The following SERPINE2 variants were observed in gnomAD, a reference collection of about 807,000 sequenced individuals.
SERPINE2 encodes the protein serpin family E member 2.
SERPINE2 carries 14 observed loss-of-function variants against 36.3 expected under a neutral mutation model. The observed-to-expected ratio is 0.39, with a 90% confidence interval of 0.25 to 0.60. The LOEUF is 0.60. Ranked by LOEUF, SERPINE2 falls within the 20% of genes least tolerant of loss-of-function variation. The probability of loss-of-function intolerance (pLI) is 0.57; values close to 1 mark genes in which losing one functional copy is unlikely to be tolerated. For synonymous variants in SERPINE2, 192 were observed against 191.8 expected, an observed-to-expected ratio of 1.00 and a Z score of -0.01; for missense variants, 418 against 499.6, an observed-to-expected ratio of 0.84 and a Z score of 1.56.
At chr2:224,026,034 A>G (rs1332034986) in intron 1 of SERPINE2, among the ~76,000 whole-genome samples, 1 of 152,218 alleles carries the variant, frequency 6.6e-6, no homozygotes, top group African/African-American at 2.4e-5. Flanking sequence ...ATGAAATAGG[A>G]GAAGTGACAC....
chr2:223,991,758 G>A (rs367988690), intron 4 of SERPINE2, 45 bp downstream of exon 4: 209 of 1,597,440 alleles, frequency 1.3e-4, no homozygotes, highest in Non-Finnish European at 1.7e-4. Flanking sequence ...GGGCCTTTCT[G>A]CCGCCAGCAC....
At chr2:224,031,467 T>C (rs904835205) in intron 1 of SERPINE2, 23 of 985,562 alleles carry the variant, frequency 2.3e-5, no homozygotes, top group Non-Finnish European at 2.8e-5. Context: ...CCTTTCCTCC[T>C]AACCAAGGAT....
chr2:223,981,866 A>G (rs1002742976), intron 6 of SERPINE2: 1 of 152,126 alleles, frequency 6.6e-6, no homozygotes, highest in Non-Finnish European at 1.5e-5. Context: ...TGAGCATGAA[A>G]TGCCAAAATA....
chr2:224,018,896 G>C (rs185956439), intron 1 of SERPINE2, among the ~76,000 whole-genome samples: 2 of 152,174 alleles, frequency 1.3e-5, no homozygotes, highest in African/African-American at 4.8e-5. Flanking sequence ...CAACATCTCC[G>C]GAGGAGGACA....
chr2:224,019,425 A>G (rs1362146366), intron 1 of SERPINE2, among the ~76,000 whole-genome samples: 3 of 152,170 alleles, frequency 2.0e-5, no homozygotes, highest in Non-Finnish European at 4.4e-5. Context: ...TCCTCCTTGC[A>G]GTTTACAGAA....
At chr2:223,997,316 GTTCAAGCGATTCT>G (rs1690929696) in intron 3 of SERPINE2, among the ~76,000 whole-genome samples, 3 of 152,160 alleles carry the variant, frequency 2.0e-5, no homozygotes, top group Non-Finnish European at 1.5e-5. Flanking sequence ...CCCCTCCCAG[GTTCAAGCGATTCT>G]CCTGCCTCAG....
intron 7 of SERPINE2, 116 bp downstream of exon 7, chr2:223,980,195 A>C: frequency 1.2e-6 from 1 of 826,198 alleles, no homozygotes; most frequent in Admixed American, 2.0e-5. Flanking sequence ...GGGTTAACCC[A>C]CACACACTGC....
chr2:224,024,416 C>T (rs555095668), intron 1 of SERPINE2, among the ~76,000 whole-genome samples: 167 of 152,336 alleles, frequency 1.1e-3, no homozygotes, highest in Middle Eastern at 6.8e-3. Flanking sequence ...TACTGAGCTT[C>T]GTCCTGTAAC....
intron 1 of SERPINE2, among the ~76,000 whole-genome samples, chr2:224,028,294 C>T (rs1692250401): frequency 6.6e-6 from 1 of 152,212 alleles, no homozygotes; most frequent in African/African-American, 2.4e-5. Context: ...TGTGATCTTT[C>T]TCTGCAAGGA....
chr2:223,998,630 C>T (rs1408273963), intron 2 of SERPINE2, among the ~76,000 whole-genome samples: 2 of 152,072 alleles, frequency 1.3e-5, no homozygotes, highest in Non-Finnish European at 2.9e-5. Context: ...GTGGGAGGAT[C>T]GCTGGAGCCT....
intron 3 of SERPINE2, among the ~76,000 whole-genome samples, chr2:223,993,289 T>G (rs1329672736): frequency 6.6e-6 from 1 of 152,246 alleles, no homozygotes; most frequent in Non-Finnish European, 1.5e-5. Context: ...CATTTCAGGA[T>G]GCTTCCAAAA....
chr2:223,985,465 A>G (rs116189297), intron 4 of SERPINE2, among the ~76,000 whole-genome samples: 145 of 152,336 alleles, frequency 9.5e-4, no homozygotes, highest in African/African-American at 3.4e-3. Context: ...AAGAGCGGCT[A>G]AAATTTACTC....
At chr2:224,019,589 C>G (rs930655428) in intron 1 of SERPINE2, among the ~76,000 whole-genome samples, 2 of 152,032 alleles carry the variant, frequency 1.3e-5, no homozygotes, top group African/African-American at 4.8e-5. Context: ...GGCACCCCAG[C>G]CTCCAGCATG....
At chr2:224,030,364 G>T in intron 1 of SERPINE2, 1 of 308,054 alleles carries the variant, frequency 3.2e-6, no homozygotes, top group Non-Finnish European at 4.7e-6. Context: ...TCAGAGAAGT[G>T]CTCACCTGTA....
chr2:223,975,871 GGTTT>G lies in SERPINE2; in HGVS notation c.1186_1189del (p.Lys396ProfsTer44), dbSNP rs758369667. 2 of 1,592,742 alleles carry G rather than the reference GGTTT, an allele frequency of 1.3e-6. No individual in the cohort carries two copies. The highest frequency in any genetic ancestry group is 1.7e-6 in the Non-Finnish European group (2 of 1,166,214). On this transcript the variant is annotated frameshift_variant, in exon 9 of 9. Transcript: ENST00000409304. LOFTEE classifies it high-confidence loss of function. The stretch of plus-strand genomic sequence containing the variant: ...ATGGTTTCTTTTGTATACTCTTCAG[GGTTT>G]GTTTATCTGCCCCATGAATAACACA...
At chr2:223,993,530 A>ATG (rs36049464) in intron 3 of SERPINE2, among the ~76,000 whole-genome samples, 1,573 of 149,890 alleles carry the variant, frequency 0.01, 18 homozygotes, top group African/African-American at 0.026. Flanking sequence ...GCTCAAATAT[A>ATG]TGTGTGTGTG....
At chr2:224,009,364 T>G (rs549581028) in intron 1 of SERPINE2, among the ~76,000 whole-genome samples, 1 of 152,200 alleles carries the variant, frequency 6.6e-6, no homozygotes, top group South Asian at 2.1e-4. Flanking sequence ...AATCATGACA[T>G]CTCTCAACAG....
intron 3 of SERPINE2, among the ~76,000 whole-genome samples, chr2:223,996,406 G>T (rs974020255): frequency 1.3e-5 from 2 of 152,148 alleles, no homozygotes; most frequent in South Asian, 4.2e-4. Context: ...TAGGAAGGGC[G>T]CCCAGACTGC....
At chr2:224,038,971 GC>G (rs1428402825) in intron 1 of SERPINE2, 127 bp downstream of exon 1, 5 of 154,466 alleles carry the variant, frequency 3.2e-5, no homozygotes, top group Non-Finnish European at 7.2e-5. Context: ...GGTCCCGCTG[GC>G]CCCGCAGCTT....
Sources: allele counts gnomAD v4.1 joint callset (sites outside exome capture counted in the v4.1 genomes callset), GRCh38; gene constraint gnomAD v4.1.1; transcripts MANE v1.5; gene names NCBI Gene and HGNC (gene_info 2026-07-23, HGNC 2026-07-21).